Variants in STK17A observed in about 807,000 individuals in gnomAD.
STK17A encodes serine/threonine kinase 17a.
Under a neutral mutation model 43.7 loss-of-function variants are expected in STK17A, and 26 were observed. The observed-to-expected ratio is 0.60, with a 90% confidence interval of 0.44 to 0.83. The LOEUF is 0.83. STK17A is among the 40% of genes least tolerant of loss of function. STK17A has a pLI of 0.00. For missense variants in STK17A, 476 were observed against 511.6 expected (o/e 0.93, Z 0.67); for synonymous variants, 191 against 182.5 (o/e 1.05, Z -0.38).
At position 43,583,358 on chromosome 7, in the gene STK17A, G is replaced by A. The variant is rs1220135769; in HGVS notation, c.115G>A (p.Ala39Thr). The A allele has an allele frequency of 1.4e-6, 2 of 1,443,360 alleles. No homozygotes were observed. The highest frequency in any genetic ancestry group is 2.7e-5 in the Admixed American group (1 of 36,814). The allele number at this position is 1,443,360 out of a possible 1,614,324, so 89.4% of individuals were successfully genotyped here. A position where few individuals can be genotyped will look rare whatever the true frequency, so the allele number is the denominator to read the frequency against. ...GTGCCGGCCGCCGCCGCCGCCCCAGGCCCGCGGGCTGCTGACAGAGATACG... is the reference window on the plus strand; with the variant it reads ...GTGCCGGCCGCCGCCGCCGCCCCAGACCCGCGGGCTGCTGACAGAGATACG... ...GPCRPPPPPQ[A>T]RGLLTEIRAV... The change falls in exon 1 of 7, where the codon GCC becomes ACC. Residue 39 changes from alanine to threonine, a missense_variant. Ala to Thr is a moderately conservative substitution (Grantham distance 58). This residue lies in a region of STK17A where 320 missense variants were observed against 326.3 expected (regional missense o/e 0.98). Coordinates refer to ENST00000319357, the MANE Select transcript of STK17A (RefSeq NM_004760.3).
At position 43,624,902 on chromosome 7, in the gene STK17A, G is replaced by A. The variant is rs1407878594; in HGVS notation, c.*60G>A. ...ATTGAAAATGTTAATATTATTTATG[G>A]ACCTCTGGCCAAATGGTACATGTAC... On this transcript the variant is annotated 3_prime_UTR_variant, in exon 7 of 7. Transcript: ENST00000319357. 2.3e-5 allele frequency: 33 copies of A among 1,407,726 alleles called. No homozygotes were observed. The highest frequency in any genetic ancestry group is 7.0e-5 in the South Asian group (5 of 71,220). 87.2% of individuals were successfully genotyped at this position (1,407,726 alleles called of 1,614,324 possible). A position where few individuals can be genotyped will look rare whatever the true frequency, so the allele number is the denominator to read the frequency against.
chr7:43,617,106 C>T (rs1209860863), intron 3 of STK17A, among the ~76,000 whole-genome samples: 1 of 152,142 alleles, frequency 6.6e-6, no homozygotes, highest in Non-Finnish European at 1.5e-5. Flanking sequence ...AAGTATGAGA[C>T]TGGAAAGTGT....
intron 2 of STK17A, among the ~76,000 whole-genome samples, chr7:43,602,911 A>G (rs1003975316): frequency 6.7e-5 from 10 of 150,274 alleles, no homozygotes; most frequent in African/African-American, 2.2e-4. Context: ...ATAGCAGTCA[A>G]TATCAGTACT....
At chr7:43,618,482 G>A (rs1320640857) in intron 3 of STK17A, among the ~76,000 whole-genome samples, 1 of 152,108 alleles carries the variant, frequency 6.6e-6, no homozygotes, top group African/African-American at 2.4e-5. Flanking sequence ...AAGGAAGCAG[G>A]GGCCCAATCT....
At chr7:43,585,464 A>C (rs1032484735) in intron 1 of STK17A, among the ~76,000 whole-genome samples, 3 of 151,544 alleles carry the variant, frequency 2.0e-5, no homozygotes, top group African/African-American at 7.3e-5. Context: ...TATCTTCTAC[A>C]TATCTTTTCT....
intron 2 of STK17A, among the ~76,000 whole-genome samples, chr7:43,596,671 A>C (rs2082517632): frequency 6.6e-6 from 1 of 151,912 alleles, no homozygotes; most frequent in Non-Finnish European, 1.5e-5. Context: ...GTTCAAGACC[A>C]GTCTGGCCAA....
At chr7:43,596,650 TGAGGTCAA>T (rs1410989554) in intron 2 of STK17A, among the ~76,000 whole-genome samples, 1 of 152,120 alleles carries the variant, frequency 6.6e-6, no homozygotes, top group Non-Finnish European at 1.5e-5. Context: ...GAGGATCACC[TGAGGTCAA>T]GAGTTCAAGA....
intron 3 of STK17A, among the ~76,000 whole-genome samples, chr7:43,611,400 A>G (rs760475105): frequency 1.3e-5 from 2 of 152,238 alleles, no homozygotes. Flanking sequence ...ATGGACACTC[A>G]GGACCCAGTA....
chr7:43,615,995 T>TA (rs2152994608), intron 3 of STK17A, among the ~76,000 whole-genome samples: 1 of 152,300 alleles, frequency 6.6e-6, no homozygotes, highest in East Asian at 1.9e-4. Context: ...CCATAGTGCT[T>TA]AAAGCGACCT....
chr7:43,624,809 GCTA>G lies in STK17A; in HGVS notation c.1214_1216del (p.Leu405del). 6.2e-7 allele frequency: 1 copy of G among 1,604,532 alleles called. No individual in the cohort carries two copies. On this transcript the variant is annotated inframe_deletion, in exon 7 of 7. Coordinates refer to ENST00000319357, the MANE Select transcript of STK17A (RefSeq NM_004760.3). ...AACGATTTAAATTTGAGGAACCTTT[GCTA>G]CAAGAAATTCCAGGAGAATTTATCT...
In STK17A at chr7:43,583,370, CT is replaced by C; in HGVS notation, c.128del (p.Leu43ArgfsTer33). On this transcript the variant is annotated frameshift_variant, in exon 1 of 7. Coordinates refer to ENST00000319357, the MANE Select transcript of STK17A (RefSeq NM_004760.3). LOFTEE classifies it high-confidence loss of function. ...GCCGCCGCCCCAGGCCCGCGGGCTG[CT>C]GACAGAGATACGCGCCGTGGTGCGC... ...PPPPPQARGL[L>X]TEIRAVVRTE... The C allele has an allele frequency of 6.9e-7, 1 of 1,448,018 alleles. No individual in the cohort carries two copies. Among genetic ancestry groups the C allele is most frequent in the Admixed American group, 2.7e-5 (1 of 37,454 alleles). 89.7% of individuals were successfully genotyped at this position (1,448,018 alleles called of 1,614,324 possible).
At chr7:43,590,669 T>G (rs1307781375) in intron 1 of STK17A, among the ~76,000 whole-genome samples, 1 of 151,410 alleles carries the variant, frequency 6.6e-6, no homozygotes, top group East Asian at 1.9e-4. Context: ...GGCTTTTGAG[T>G]CAACAAAAAA....
chr7:43,624,994 G>T lies in STK17A; in HGVS notation c.*152G>T. 2 of 676,738 alleles carry T rather than the reference G, an allele frequency of 3.0e-6. No homozygotes were observed. The highest frequency in any genetic ancestry group is 2.7e-5 in the South Asian group (1 of 37,054). 41.9% of individuals were successfully genotyped at this position (676,738 alleles called of 1,614,324 possible). ...CTTTGTCAAATTTGTGGAGTTAGGT[G>T]GAAGCCAGATTTTAAAAGTTGCCAA... On this transcript the variant is annotated 3_prime_UTR_variant, in exon 7 of 7. Coordinates refer to ENST00000319357, the MANE Select transcript of STK17A (RefSeq NM_004760.3).
chr7:43,617,003 C>T (rs746602564), intron 3 of STK17A, among the ~76,000 whole-genome samples: 1 of 152,192 alleles, frequency 6.6e-6, no homozygotes, highest in Non-Finnish European at 1.5e-5. Flanking sequence ...GGCCTTCTCA[C>T]CAAGTTGAGA....
At position 43,624,944 on chromosome 7, in the gene STK17A, G is replaced by GT; in HGVS notation, c.*103dup. ...TACATGTACTGGAAGTGGATAACCAGTATCACTTACACAAACAAAAATAAC... is the reference window on the plus strand; with the variant it reads ...TACATGTACTGGAAGTGGATAACCAGTTATCACTTACACAAACAAAAATAAC... On this transcript the variant is annotated 3_prime_UTR_variant, in exon 7 of 7. Transcript: ENST00000319357. 1 of 1,070,068 alleles carries GT rather than the reference G, an allele frequency of 9.3e-7. No homozygotes were observed. The highest frequency in any genetic ancestry group is 1.3e-6 in the Non-Finnish European group (1 of 758,818). 66.3% of individuals were successfully genotyped at this position (1,070,068 alleles called of 1,614,324 possible).
intron 4 of STK17A, among the ~76,000 whole-genome samples, chr7:43,621,250 T>C (rs1293041034): frequency 2.0e-5 from 3 of 152,188 alleles, no homozygotes; most frequent in African/African-American, 7.2e-5. Context: ...GCCAGAATAC[T>C]TAATTTTCAG....
chr7:43,621,922 G>C (rs2083934019), intron 4 of STK17A, among the ~76,000 whole-genome samples: 1 of 152,050 alleles, frequency 6.6e-6, no homozygotes, highest in Non-Finnish European at 1.5e-5. Context: ...CATACACACA[G>C]AAACTGGTGT....
intron 3 of STK17A, among the ~76,000 whole-genome samples, chr7:43,613,854 TATTAAAAC>T (rs1358447446): frequency 6.6e-6 from 1 of 152,146 alleles, no homozygotes; most frequent in African/African-American, 2.4e-5. Context: ...AAAACTTTTT[TATTAAAAC>T]ATTAATTTCT....
chr7:43,587,160 T>G (rs1449218056), intron 1 of STK17A, among the ~76,000 whole-genome samples: 7 of 142,338 alleles, frequency 4.9e-5, no homozygotes, highest in East Asian at 2.0e-4. Context: ...TTTTGTTTTT[T>G]TTTTTTTTTT....
Sources: gnomAD v4.1 joint callset for allele counts (sites outside exome capture counted in the v4.1 genomes callset) on GRCh38, gnomAD v4.1.1 for gene constraint, gnomAD v4.1.1 regional missense constraint, MANE v1.5 for transcripts, NCBI Gene and HGNC (gene_info 2026-07-23, HGNC 2026-07-21) for gene names.